The following QRFPR variants were observed in gnomAD, a reference collection of about 807,000 sequenced individuals.
The protein encoded by QRFPR is pyroglutamylated RFamide peptide receptor, also known as pyroglutamylated RF-amide peptide receptor.
QRFPR carries 37 observed loss-of-function variants against 31.3 expected under a neutral mutation model. The ratio of observed to expected loss-of-function variants is 1.18; its 90% CI spans 0.91 to 1.56. The LOEUF (loss-of-function observed/expected upper bound fraction) is 1.56. Among genes scored for constraint, QRFPR ranks in the 40% most tolerant of loss-of-function variants. The pLI is 0.00. For missense variants in QRFPR, 542 were observed against 532.5 expected (o/e 1.02, Z -0.18); for synonymous variants, 197 against 192.0 (o/e 1.03, Z -0.22).
chr4:121,377,301 C>A (rs539448415), intron 1 of QRFPR, among the ~76,000 whole-genome samples: 5 of 152,132 alleles, frequency 3.3e-5, no homozygotes, highest in Admixed American at 6.5e-5. Flanking sequence ...TTCCTTTTGT[C>A]GCCGTTGCTT....
chr4:121,355,496 G>A (rs1358663860), intron 1 of QRFPR, among the ~76,000 whole-genome samples: 2 of 151,814 alleles, frequency 1.3e-5, no homozygotes, highest in Non-Finnish European at 2.9e-5. Context: ...TTGTTTATCT[G>A]TTCAAGAAAA....
At chr4:121,370,035 G>A (rs1726203212) in intron 1 of QRFPR, 10 of 772,380 alleles carry the variant, frequency 1.3e-5, no homozygotes, top group Non-Finnish European at 2.2e-5. Flanking sequence ...AATTCATGAC[G>A]ACATGGGTAG....
rs1047931663 is a variant in QRFPR at position 121,329,187 on chromosome 4, T to C, written c.*127A>G. The stretch of plus-strand genomic sequence containing the variant: ...GGACTAGCCTCGTGTCATTTTTTAA[T>C]GGAAACATGATTTGTTTTCTTCTTG... On this transcript the variant is annotated 3_prime_UTR_variant, in exon 6 of 6. Coordinates refer to ENST00000394427, the MANE Select transcript of QRFPR (RefSeq NM_198179.3). 1 of 751,652 alleles carries C rather than the reference T, an allele frequency of 1.3e-6. No homozygotes were observed. 46.6% of individuals were successfully genotyped at this position (751,652 alleles called of 1,614,324 possible).
intron 1 of QRFPR, among the ~76,000 whole-genome samples, chr4:121,347,902 A>T (rs1213131272): frequency 6.6e-6 from 1 of 152,184 alleles, no homozygotes; most frequent in East Asian, 1.9e-4. Flanking sequence ...TCTCCCTTTC[A>T]GTGACTTTAT....
chr4:121,378,538 T>C (rs1462655219), intron 1 of QRFPR, among the ~76,000 whole-genome samples: 2 of 151,418 alleles, frequency 1.3e-5, no homozygotes, highest in African/African-American at 4.9e-5. Flanking sequence ...CTCAACCTCC[T>C]GAGCAGCTGG....
At chr4:121,376,214 C>T (rs1042847382) in intron 1 of QRFPR, among the ~76,000 whole-genome samples, 1 of 152,132 alleles carries the variant, frequency 6.6e-6, no homozygotes, top group Non-Finnish European at 1.5e-5. Context: ...TATTTGGGTG[C>T]AGAGAATCGC....
chr4:121,371,197 T>C (rs1420113301), intron 1 of QRFPR, among the ~76,000 whole-genome samples: 1 of 152,240 alleles, frequency 6.6e-6, no homozygotes, highest in Non-Finnish European at 1.5e-5. Flanking sequence ...CTCTCTGATA[T>C]GACAGTAAAT....
At chr4:121,338,962 T>C (rs1040148471) in intron 2 of QRFPR, among the ~76,000 whole-genome samples, 15 of 152,250 alleles carry the variant, frequency 9.9e-5, no homozygotes, top group Admixed American at 6.5e-4. Context: ...GTTCTGATGT[T>C]GGAAAGATGT....
In QRFPR at chr4:121,376,751, C is replaced by A. The variant is rs151049703; in HGVS notation, c.340+3557G>T. ...TGTAACTGGTTTGGGCTGGGGCTGG[C>A]GCAGGCCATTTTCAAAAGCCCTTCA... On this transcript the variant is annotated intron_variant, in intron 1 of 5. Coordinates refer to ENST00000394427, the MANE Select transcript of QRFPR (RefSeq NM_198179.3). Among the ~76,000 whole-genome samples the A allele has an allele frequency of 2.9e-3, 443 of 152,208 alleles. 3 individuals are homozygous for A. The highest frequency in any genetic ancestry group is 0.01 in the African/African-American group (416 of 41,518).
chr4:121,351,358 T>C (rs1052098562), intron 1 of QRFPR, among the ~76,000 whole-genome samples: 5 of 152,218 alleles, frequency 3.3e-5, no homozygotes, highest in African/African-American at 9.6e-5. Flanking sequence ...TTGTAAGAAC[T>C]GTTTGTGTGT....
chr4:121,347,164 T>A (rs1229652570), intron 1 of QRFPR, among the ~76,000 whole-genome samples: 1 of 152,164 alleles, frequency 6.6e-6, no homozygotes, highest in Non-Finnish European at 1.5e-5. Flanking sequence ...ATTTCTTTCT[T>A]GAGAGCTTTT....
chr4:121,365,606 T>TATATA (rs1560744115), intron 1 of QRFPR, among the ~76,000 whole-genome samples: 701 of 6,198 alleles, frequency 0.11, 98 homozygotes, highest in Non-Finnish European at 0.16. Flanking sequence ...ATATATAATA[T>TATATA]ATATATTATA....
chr4:121,367,521 G>C (rs1295338443), intron 1 of QRFPR, among the ~76,000 whole-genome samples: 1 of 149,836 alleles, frequency 6.7e-6, no homozygotes, highest in Non-Finnish European at 1.5e-5. Flanking sequence ...AACTATAATG[G>C]ACCTGGTTTT....
chr4:121,365,434 A>G (rs868529767), intron 1 of QRFPR, among the ~76,000 whole-genome samples: 15 of 113,618 alleles, frequency 1.3e-4, no homozygotes, highest in African/African-American at 5.1e-4. Context: ...AGCCTGGGCA[A>G]CAGAGCGAGA....
chr4:121,357,536 T>C (rs1188290827), intron 1 of QRFPR, among the ~76,000 whole-genome samples: 2 of 152,124 alleles, frequency 1.3e-5, no homozygotes, highest in East Asian at 3.9e-4. Context: ...TCAGATTCCC[T>C]CCCAATTCAA....
At chr4:121,332,610 C>T (rs918750204) in intron 4 of QRFPR, among the ~76,000 whole-genome samples, 7 of 152,200 alleles carry the variant, frequency 4.6e-5, no homozygotes, top group African/African-American at 1.7e-4. Flanking sequence ...ATAGCTGTAA[C>T]TTCCCAGTTG....
chr4:121,364,987 T>C (rs1194320134), intron 1 of QRFPR, among the ~76,000 whole-genome samples: 1 of 149,890 alleles, frequency 6.7e-6, no homozygotes, highest in Non-Finnish European at 1.5e-5. Context: ...CTGAGCTCCA[T>C]ACAGCTGTTT....
intron 1 of QRFPR, among the ~76,000 whole-genome samples, chr4:121,373,328 C>CA (rs1314646025): frequency 6.6e-6 from 1 of 152,014 alleles, no homozygotes; most frequent in Non-Finnish European, 1.5e-5. Flanking sequence ...TCTCACCTAC[C>CA]AAAAAAATTT....
chr4:121,370,299 G>A (rs1053527328), intron 1 of QRFPR: 2 of 776,794 alleles, frequency 2.6e-6, no homozygotes, highest in Non-Finnish European at 2.4e-6. Flanking sequence ...CTTGCCTAGA[G>A]GCCCACTAGC....
Sources: allele counts gnomAD v4.1 joint callset (sites outside exome capture counted in the v4.1 genomes callset), GRCh38; gene constraint gnomAD v4.1.1; transcripts MANE v1.5; gene names NCBI Gene and HGNC (gene_info 2026-07-23, HGNC 2026-07-21).